Variants in SUPT3H observed in about 807,000 individuals in gnomAD.
SUPT3H encodes the protein SPT3 homolog, SAGA and STAGA complex component, also known as transcription initiation protein SPT3 homolog.
In SUPT3H, 44 loss-of-function variants were observed where a neutral mutation model predicts 44.3. The ratio of observed to expected loss-of-function variants is 0.99; its 90% CI spans 0.78 to 1.28. The LOEUF (loss-of-function observed/expected upper bound fraction) is 1.28. Among genes scored for constraint, SUPT3H ranks in the 50% most tolerant of loss-of-function variants. The pLI, the probability that SUPT3H is intolerant of heterozygous loss-of-function variation, is 0.00. For synonymous variants in SUPT3H, 124 were observed against 125.6 expected, an observed-to-expected ratio of 0.99 and a Z score of 0.09; for missense variants, 380 against 387.1, an observed-to-expected ratio of 0.98 and a Z score of 0.15.
At chr6:45,342,212 T>C (rs946304569) in intron 2 of SUPT3H, among the ~76,000 whole-genome samples, 1 of 152,070 alleles carries the variant, frequency 6.6e-6, no homozygotes, top group African/African-American at 2.4e-5. Flanking sequence ...TCTTTGTCAC[T>C]ACAGTTGTGC....
chr6:45,035,718 T>C (rs537673348), intron 3 of SUPT3H, among the ~76,000 whole-genome samples: 16 of 152,132 alleles, frequency 1.1e-4, no homozygotes, highest in African/African-American at 3.9e-4. Flanking sequence ...TAAAGGTAAA[T>C]AGTTATTACA....
chr6:44,958,195 C>G (rs1775498946), intron 7 of SUPT3H, among the ~76,000 whole-genome samples: 1 of 152,186 alleles, frequency 6.6e-6, no homozygotes, highest in Admixed American at 6.5e-5. Context: ...TCAGCCTGCG[C>G]TGAACTTAAA....
chr6:45,258,009 G>A (rs918204682), intron 2 of SUPT3H, among the ~76,000 whole-genome samples: 1 of 152,008 alleles, frequency 6.6e-6, no homozygotes, highest in Non-Finnish European at 1.5e-5. Flanking sequence ...TCTCGATCAC[G>A]GAAAACCTCA....
chr6:44,852,068 A>T (rs1050685687), intron 10 of SUPT3H, among the ~76,000 whole-genome samples: 6 of 152,186 alleles, frequency 3.9e-5, no homozygotes, highest in Non-Finnish European at 8.8e-5. Context: ...CGTGGTAATA[A>T]TACCATATCT....
chr6:44,994,742 A>G (rs1781054657), intron 6 of SUPT3H, among the ~76,000 whole-genome samples: 1 of 152,130 alleles, frequency 6.6e-6, no homozygotes, highest in Admixed American at 6.6e-5. Flanking sequence ...TAAATATTCA[A>G]TATGACCTGA....
At chr6:45,248,563 A>G (rs1207970058) in intron 2 of SUPT3H, among the ~76,000 whole-genome samples, 2 of 152,174 alleles carry the variant, frequency 1.3e-5, no homozygotes, top group East Asian at 1.9e-4. Flanking sequence ...TAGAATGGCT[A>G]AATCAAAAAA....
At chr6:45,211,171 A>G (rs1241790085) in intron 2 of SUPT3H, among the ~76,000 whole-genome samples, 1 of 152,206 alleles carries the variant, frequency 6.6e-6, no homozygotes, top group African/African-American at 2.4e-5. Flanking sequence ...TAACAAGTAT[A>G]AAAGTTACAA....
At chr6:45,026,327 C>G (rs1331625863) in intron 3 of SUPT3H, among the ~76,000 whole-genome samples, 1 of 152,112 alleles carries the variant, frequency 6.6e-6, no homozygotes, top group Non-Finnish European at 1.5e-5. Flanking sequence ...AGTTTCATCA[C>G]TAAGTGATTG....
intron 2 of SUPT3H, among the ~76,000 whole-genome samples, chr6:45,337,115 AAAATAAAAGCTC>A (rs1788730573): frequency 1.3e-5 from 2 of 151,734 alleles, no homozygotes; most frequent in Non-Finnish European, 3.0e-5. Flanking sequence ...TATGCTTTCT[AAAATAAAAGCTC>A]AAATTAAAGC....
chr6:45,370,937 A>G (rs1467987283), intron 1 of SUPT3H, among the ~76,000 whole-genome samples: 1 of 152,230 alleles, frequency 6.6e-6, no homozygotes, highest in African/African-American at 2.4e-5. Context: ...TTTCTTTGCA[A>G]AAACAGTCCC....
chr6:45,307,847 T>C (rs1044770372), intron 2 of SUPT3H, among the ~76,000 whole-genome samples: 39 of 152,138 alleles, frequency 2.6e-4, no homozygotes, highest in African/African-American at 7.7e-4. Context: ...TTCAAACCCA[T>C]GGCAAACCTT....
intron 3 of SUPT3H, among the ~76,000 whole-genome samples, chr6:45,071,607 C>T (rs1181643183): frequency 6.6e-6 from 1 of 152,154 alleles, no homozygotes; most frequent in Non-Finnish European, 1.5e-5. Context: ...GCCATGTATA[C>T]TGTGACTGGG....
At chr6:44,959,889 AC>A (rs1252778250) in intron 7 of SUPT3H, among the ~76,000 whole-genome samples, 2 of 152,194 alleles carry the variant, frequency 1.3e-5, no homozygotes, top group African/African-American at 4.8e-5. Flanking sequence ...TAACACTCTG[AC>A]GAGTGCAGGA....
chr6:44,956,506 A>G (rs1358563661), intron 7 of SUPT3H, among the ~76,000 whole-genome samples: 1 of 126,800 alleles, frequency 7.9e-6, no homozygotes, highest in Non-Finnish European at 1.6e-5. Flanking sequence ...ATAAAAATAA[A>G]AAAAAAAAAG....
chr6:45,179,972 T>C (rs1381038431), intron 2 of SUPT3H, among the ~76,000 whole-genome samples: 5 of 152,148 alleles, frequency 3.3e-5, no homozygotes, highest in South Asian at 2.1e-4. Context: ...AAAACCCCAC[T>C]GTCTCAGCCC....
At chr6:44,812,654 A>G (rs376010328) in intron 11 of SUPT3H, among the ~76,000 whole-genome samples, 4 of 152,322 alleles carry the variant, frequency 2.6e-5, no homozygotes, top group African/African-American at 9.6e-5. Flanking sequence ...ATCAGAAAAA[A>G]TCCAGTGTGG....
intron 11 of SUPT3H, among the ~76,000 whole-genome samples, chr6:44,814,422 G>C (rs1766759725): frequency 1.3e-5 from 2 of 152,128 alleles, no homozygotes; most frequent in South Asian, 4.2e-4. Flanking sequence ...GAGTATCTGG[G>C]AACATACCAA....
At chr6:45,365,453 GTTCT>G in intron 1 of SUPT3H, 152 bp from the exon 2 acceptor site, 1 of 558,488 alleles carries the variant, frequency 1.8e-6, no homozygotes, top group Non-Finnish European at 3.1e-6. Context: ...TATACTTAAT[GTTCT>G]TTATTAAAAT....
chr6:45,101,161 C>G (rs1039988259), intron 3 of SUPT3H, among the ~76,000 whole-genome samples: 1 of 152,242 alleles, frequency 6.6e-6, no homozygotes, highest in Non-Finnish European at 1.5e-5. Flanking sequence ...CGCGGAGGCT[C>G]ACGCCTGTAA....
Sources: gnomAD v4.1 joint callset for allele counts (sites outside exome capture counted in the v4.1 genomes callset) on GRCh38, gnomAD v4.1.1 for gene constraint, MANE v1.5 for transcripts, NCBI Gene and HGNC (gene_info 2026-07-23, HGNC 2026-07-21) for gene names.